LANCL1: variants seen among roughly 807,000 people sequenced by gnomAD.
LANCL1 encodes LanC like glutathione S-transferase 1, also known as glutathione S-transferase LANCL1.
A neutral mutation model predicts 50.6 loss-of-function variants in LANCL1; 50 were observed. That is an observed-to-expected ratio of 0.99 (90% confidence interval 0.79 to 1.25). The LOEUF is 1.25. LANCL1 is among the 50% of genes most tolerant of loss of function. The probability of loss-of-function intolerance (pLI) is 0.00; values close to 1 mark genes in which losing one functional copy is unlikely to be tolerated. For missense variants in LANCL1, 532 were observed against 480.7 expected (o/e 1.11, Z -1.00); for synonymous variants, 188 against 178.6 (o/e 1.05, Z -0.42).
At chr2:210,458,637 G>A (rs549721548) in intron 3 of LANCL1, among the ~76,000 whole-genome samples, 7 of 152,222 alleles carry the variant, frequency 4.6e-5, no homozygotes, top group South Asian at 4.1e-4. Flanking sequence ...GGGGGATGGC[G>A]GAGAAGAAGA....
chr2:210,471,540 G>T lies in LANCL1; in HGVS notation c.199+419C>A, dbSNP rs1694223548. The T allele has an allele frequency of 6.5e-6, 3 of 458,384 alleles. No homozygotes were observed. In the Admixed American group the frequency reaches 7.0e-5, roughly 11 times the overall value. 28.4% of individuals were successfully genotyped at this position (458,384 alleles called of 1,614,324 possible). A position where few individuals can be genotyped will look rare whatever the true frequency, so the allele number is the denominator to read the frequency against. On this transcript the variant is annotated intron_variant, in intron 3 of 9. Transcript: ENST00000450366. Reference sequence around the variant, plus strand: ...GATTCCTGTATGGATTCCTGTTACGGGTTAACTTTTTAAAACATGCTTCTG... The same window carrying T: ...GATTCCTGTATGGATTCCTGTTACGTGTTAACTTTTTAAAACATGCTTCTG...
At chr2:210,437,021 T>C (rs1232416126) in intron 7 of LANCL1, among the ~76,000 whole-genome samples, 2 of 152,218 alleles carry the variant, frequency 1.3e-5, no homozygotes, top group East Asian at 3.8e-4. Context: ...ATTTATGAGA[T>C]GCCAGCGCCC....
At chr2:210,450,904 T>A (rs1389919350) in intron 4 of LANCL1, among the ~76,000 whole-genome samples, 1 of 152,208 alleles carries the variant, frequency 6.6e-6, no homozygotes, top group Non-Finnish European at 1.5e-5. Context: ...AGTTCAACCA[T>A]TGTGGAAGAC....
chr2:210,448,486 A>G (rs981149648), intron 4 of LANCL1, among the ~76,000 whole-genome samples: 1 of 152,192 alleles, frequency 6.6e-6, no homozygotes, highest in African/African-American at 2.4e-5. Context: ...GCAGAAGACA[A>G]GAAATAAGTA....
upstream of LANCL1, among the ~76,000 whole-genome samples, chr2:210,477,057 G>C (rs1352909712): frequency 2.6e-5 from 4 of 151,470 alleles, no homozygotes; most frequent in Non-Finnish European, 5.9e-5. Context: ...TGAACATGCT[G>C]GTATTTCTGC....
upstream of LANCL1, among the ~76,000 whole-genome samples, chr2:210,477,043 G>T (rs1694407066): frequency 6.6e-6 from 1 of 150,728 alleles, no homozygotes; most frequent in Non-Finnish European, 1.5e-5. Context: ...ACTGCTTTTA[G>T]ATCTGAACAT....
rs774168069 is a variant in LANCL1 at position 210,432,571 on chromosome 2, G to A, written c.*1916C>T. On this transcript the variant is annotated 3_prime_UTR_variant, in exon 10 of 10. Coordinates refer to ENST00000450366, the MANE Select transcript of LANCL1 (RefSeq NM_006055.3). ...AAGCATTGCTATCACGATGCTTGGA[G>A]AACTGTGATCAAGTCTTCTCTGGCT... is the stretch of plus-strand genomic sequence containing the variant. The A allele has an allele frequency of 1.1e-4, 16 of 152,202 alleles. No individual in the cohort carries two copies. The highest frequency in any genetic ancestry group is 1.6e-4 in the Non-Finnish European group (11 of 68,038). The allele number at this position is 152,202 out of a possible 1,614,324, so 9.4% of individuals were successfully genotyped here.
At chr2:210,449,875 T>C (rs1693459985) in intron 4 of LANCL1, among the ~76,000 whole-genome samples, 2 of 152,200 alleles carry the variant, frequency 1.3e-5, no homozygotes, top group South Asian at 4.1e-4. Flanking sequence ...CATTCCATGC[T>C]CATGGATAGG....
At chr2:210,476,273 G>A (rs1205151772) in intron 2 of LANCL1, 43 bp downstream of exon 2, 2 of 1,460,836 alleles carry the variant, frequency 1.4e-6, no homozygotes, top group Admixed American at 1.7e-5. Context: ...TCCGAACACC[G>A]TGGGGAGAGG....
In LANCL1 at chr2:210,432,374, G is replaced by A. The variant is rs974721222; in HGVS notation, c.*2113C>T. On this transcript the variant is annotated 3_prime_UTR_variant, in exon 10 of 10. Transcript: ENST00000450366. ...GACAGTAGCTAACCCATTTATGCTG[G>A]GGGTTGCAATTTTTTGTGTGAAAAA... 3 of 152,150 alleles carry A rather than the reference G, an allele frequency of 2.0e-5. No individual in the cohort carries two copies. Among genetic ancestry groups the A allele is most frequent in the South Asian group, 2.1e-4 (1 of 4,828 alleles). 9.4% of individuals were successfully genotyped at this position (152,150 alleles called of 1,614,324 possible). A position where few individuals can be genotyped will look rare whatever the true frequency, so the allele number is the denominator to read the frequency against.
chr2:210,436,390 T>C lies in LANCL1; in HGVS notation c.876A>G (p.Val292=), dbSNP rs552412391. ...CACAGAGATACTTTTCCTCTCTGAA[T>C]ACCTGCAGAGGCAAAGGACACATTT... ...VIYMLIQAYK[V]FREEKYLCDA... The change falls in exon 8 of 10, where the codon GTA becomes GTG. Residue 292 remains valine (V), a splice_region_variant and synonymous_variant. Transcript: ENST00000450366. 2 of 1,613,352 alleles carry C rather than the reference T, an allele frequency of 1.2e-6. No homozygotes were observed. Among genetic ancestry groups the C allele is most frequent in the East Asian group, 4.5e-5 (2 of 44,870 alleles).
chr2:210,451,324 G>T (rs996399241), intron 4 of LANCL1, among the ~76,000 whole-genome samples: 5 of 152,046 alleles, frequency 3.3e-5, no homozygotes, highest in Admixed American at 2.6e-4. Flanking sequence ...GGCCTGTCAG[G>T]GGGTGGGGGA....
At chr2:210,466,268 C>T (rs955477415) in intron 3 of LANCL1, among the ~76,000 whole-genome samples, 3 of 152,118 alleles carry the variant, frequency 2.0e-5, no homozygotes, top group Non-Finnish European at 4.4e-5. Context: ...AATTCAGCCT[C>T]TACATCAGGG....
intron 4 of LANCL1, among the ~76,000 whole-genome samples, chr2:210,448,071 C>T (rs1693399230): frequency 6.6e-6 from 1 of 152,184 alleles, no homozygotes; most frequent in South Asian, 2.1e-4. Context: ...AGCACCACAT[C>T]ACACTTATTC....
At position 210,455,328 on chromosome 2, in the gene LANCL1, A is replaced by AT. The variant is rs10691255; in HGVS notation, c.200-15_200-14insA. 2 of 1,593,410 alleles carry AT rather than the reference A, an allele frequency of 1.3e-6. No individual in the cohort carries two copies. The highest frequency in any genetic ancestry group is 2.7e-5 in the African/African-American group (2 of 73,560). On this transcript the variant is annotated splice_polypyrimidine_tract_variant and intron_variant, in intron 3 of 9. Transcript: ENST00000450366. ...GCACAGCAATACCTGAAAAAAAAAA[A>AT]AGGAAACAATGTAAAGATGAGGAAA... is the stretch of plus-strand genomic sequence containing the variant.
intron 4 of LANCL1, among the ~76,000 whole-genome samples, chr2:210,446,407 GC>G (rs1211311252): frequency 6.6e-6 from 1 of 152,144 alleles, no homozygotes; most frequent in African/African-American, 2.4e-5. Context: ...AGAAACCAGT[GC>G]AAAAAGGCTG....
intron 6 of LANCL1, among the ~76,000 whole-genome samples, 189 bp from the exon 7 acceptor site, chr2:210,438,061 T>G (rs1240181468): frequency 6.6e-6 from 1 of 152,196 alleles, no homozygotes; most frequent in African/African-American, 2.4e-5. Flanking sequence ...ATTTAAAAAT[T>G]TTAAACAATG....
At chr2:210,462,384 G>C (rs1481141737) in intron 3 of LANCL1, among the ~76,000 whole-genome samples, 1 of 152,166 alleles carries the variant, frequency 6.6e-6, no homozygotes, top group East Asian at 1.9e-4. Context: ...CTTATTGCAG[G>C]CATATGTCAT....
At chr2:210,455,957 A>G (rs1459438490) in intron 3 of LANCL1, among the ~76,000 whole-genome samples, 2 of 152,060 alleles carry the variant, frequency 1.3e-5, no homozygotes, top group African/African-American at 4.8e-5. Flanking sequence ...GGGCCCACCT[A>G]CTTTGGTAAA....
Sources: gnomAD v4.1 joint callset for allele counts (sites outside exome capture counted in the v4.1 genomes callset) on GRCh38, gnomAD v4.1.1 for gene constraint, MANE v1.5 for transcripts, NCBI Gene and HGNC (gene_info 2026-07-23, HGNC 2026-07-21) for gene names.